Variants in GARRE1 observed in about 807,000 individuals in gnomAD.
GARRE1 encodes granule associated Rac and RHOG effector 1, also known as granule associated Rac and RHOG effector protein 1.
GARRE1 carries 49 observed loss-of-function variants against 103.2 expected under a neutral mutation model. The observed-to-expected ratio is 0.47, with a 90% CI of 0.38 to 0.60. The LOEUF (loss-of-function observed/expected upper bound fraction) is 0.60, where lower values mean the gene tolerates loss of function less well. Among genes scored for constraint, GARRE1 ranks in the 20% least tolerant of loss-of-function variants. The probability of loss-of-function intolerance (pLI) is 0.00; values close to 1 mark genes in which losing one functional copy is unlikely to be tolerated. For synonymous variants in GARRE1, 505 were observed against 532.8 expected, an observed-to-expected ratio of 0.95 and a Z score of 0.72; for missense variants, 1,199 against 1,370.5, an observed-to-expected ratio of 0.87 and a Z score of 1.98.
At chr19:34,310,696 G>A (rs548475326) in intron 2 of GARRE1, among the ~76,000 whole-genome samples, 2 of 152,292 alleles carry the variant, frequency 1.3e-5, no homozygotes, top group Non-Finnish European at 2.9e-5. Flanking sequence ...GGACTGGTAG[G>A]CCAGATAAAT....
chr19:34,295,929 C>A (rs140156102), intron 1 of GARRE1, among the ~76,000 whole-genome samples: 1 of 152,118 alleles, frequency 6.6e-6, no homozygotes, highest in Non-Finnish European at 1.5e-5. Context: ...TGTTCTTTCC[C>A]CACTGGATGT....
chr19:34,345,557 T>C (rs4806011), intron 10 of GARRE1, among the ~76,000 whole-genome samples: 92,183 of 152,186 alleles, frequency 0.61, 31,178 homozygotes, highest in East Asian at 0.96. Context: ...CAGTGGCTCA[T>C]GCCTGTAGTC....
In GARRE1 at chr19:34,285,465, A is replaced by G. The variant is rs796674515; in HGVS notation, c.-795-14214A>G. On this transcript the variant is annotated intron_variant, in intron 1 of 13. Transcript: ENST00000299505. ...TGGTGACACCCTGTCTCTACTAAGA[A>G]TACAAAAATTAATCAGGCGTGGTAT... Among the ~76,000 whole-genome samples, 33 of 152,154 alleles carry G rather than the reference A, an allele frequency of 2.2e-4. 1 individual carries two copies. The highest frequency in any genetic ancestry group is 6.5e-4 in the African/African-American group (27 of 41,530).
chr19:34,293,208 A>G (rs2073927643), intron 1 of GARRE1, among the ~76,000 whole-genome samples: 1 of 152,226 alleles, frequency 6.6e-6, no homozygotes, highest in South Asian at 2.1e-4. Context: ...CGTATTTATA[A>G]AAATTTGCAC....
chr19:34,319,020 A>G (rs1345159694), intron 2 of GARRE1, among the ~76,000 whole-genome samples: 2 of 151,998 alleles, frequency 1.3e-5, no homozygotes, highest in Non-Finnish European at 2.9e-5. Flanking sequence ...ATTTCAAAAA[A>G]AAAAGATAAA....
At chr19:34,265,052 C>G (rs947904919) in intron 1 of GARRE1, among the ~76,000 whole-genome samples, 1 of 151,430 alleles carries the variant, frequency 6.6e-6, no homozygotes, top group Admixed American at 6.6e-5. Flanking sequence ...TTGGCAGTGG[C>G]AAAGAATCAT....
chr19:34,257,416 C>T (rs2073681159), intron 1 of GARRE1, among the ~76,000 whole-genome samples: 1 of 152,084 alleles, frequency 6.6e-6, no homozygotes, highest in South Asian at 2.1e-4. Context: ...TGGCTTACTG[C>T]AACCTCCACC....
chr19:34,319,199 T>C (rs1200219287), intron 2 of GARRE1, among the ~76,000 whole-genome samples: 1 of 152,194 alleles, frequency 6.6e-6, no homozygotes, highest in Non-Finnish European at 1.5e-5. Context: ...TTAGTATACA[T>C]CTTATTATAA....
chr19:34,339,745 G>T, intron 8 of GARRE1, 122 bp from the exon 9 acceptor site: 1 of 1,133,122 alleles, frequency 8.8e-7, no homozygotes, highest in Non-Finnish European at 1.3e-6. Flanking sequence ...TGTTCTTACA[G>T]TTACTGAATT....
At chr19:34,309,794 T>C (rs1354480666) in intron 2 of GARRE1, among the ~76,000 whole-genome samples, 5 of 152,194 alleles carry the variant, frequency 3.3e-5, no homozygotes, top group Non-Finnish European at 5.9e-5. Context: ...TAACTCCATT[T>C]CATGGAGGGC....
At chr19:34,349,951 C>T (rs758849239) in intron 12 of GARRE1, among the ~76,000 whole-genome samples, 6 of 151,996 alleles carry the variant, frequency 3.9e-5, no homozygotes, top group Admixed American at 6.6e-5. Flanking sequence ...CCCAGCTACT[C>T]GGGAGGCTGA....
intron 2 of GARRE1, among the ~76,000 whole-genome samples, chr19:34,309,539 C>T (rs1448902975): frequency 6.6e-6 from 1 of 152,046 alleles, no homozygotes; most frequent in Non-Finnish European, 1.5e-5. Flanking sequence ...CTGTGTTGCC[C>T]AGGCTGTGAG....
At chr19:34,272,300 G>A (rs2073792611) in intron 1 of GARRE1, among the ~76,000 whole-genome samples, 1 of 152,272 alleles carries the variant, frequency 6.6e-6, no homozygotes, top group East Asian at 1.9e-4. Flanking sequence ...TGCAACATCT[G>A]CCTCCTGGGT....
In GARRE1 at chr19:34,341,525, G is replaced by A. The variant is rs776625233; in HGVS notation, c.1591G>A (p.Gly531Ser). The change falls in exon 10 of 14, where the codon GGC becomes AGC. Residue 531 changes from glycine (G) to serine (S), a missense_variant. Physicochemically the swap from Gly to Ser is moderately conservative, Grantham distance 56 (BLOSUM62 0). Coordinates refer to ENST00000299505, the MANE Select transcript of GARRE1 (RefSeq NM_014686.5). ...PSGNGNKSSG[G>S]LQKTFSKLTS... The stretch of plus-strand genomic sequence containing the variant: ...TGGAAATGGAAACAAATCTTCAGGT[G>A]GCCTGCAGAAGACATTCTCCAAACT... 2 of 1,614,040 alleles carry A rather than the reference G, an allele frequency of 1.2e-6. No individual in the cohort carries two copies. The highest frequency in any genetic ancestry group is 1.7e-6 in the Non-Finnish European group (2 of 1,180,018).
At chr19:34,321,149 C>T (rs1472096679) in intron 3 of GARRE1, among the ~76,000 whole-genome samples, 2 of 147,088 alleles carry the variant, frequency 1.4e-5, no homozygotes, top group African/African-American at 5.0e-5. Flanking sequence ...CTCTGCCTCC[C>T]AGGTTCACGC....
chr19:34,273,972 T>TATC (rs1159892855), intron 1 of GARRE1, among the ~76,000 whole-genome samples: 1 of 152,068 alleles, frequency 6.6e-6, no homozygotes, highest in Non-Finnish European at 1.5e-5. Flanking sequence ...TCTAGAGTAG[T>TATC]CACACAGCAT....
At chr19:34,279,947 T>C (rs1373356179) in intron 1 of GARRE1, among the ~76,000 whole-genome samples, 1 of 136,410 alleles carries the variant, frequency 7.3e-6, no homozygotes, top group African/African-American at 2.9e-5. Flanking sequence ...ATCCCGCCAC[T>C]GCACTCCAGC....
rs148195086 is a variant in GARRE1, at chr19:34,341,639, T to A, written c.1705T>A (p.Phe569Ile). Residue 569 changes from phenylalanine to isoleucine, a missense_variant, in exon 10 of 14, where the codon TTC becomes ATC. Transcript: ENST00000299505. ...SIQNTPSKNIFIAGCSEEKAK... is the reference protein window; with the variant it reads ...SIQNTPSKNIIIAGCSEEKAK... ...CCAAAATACCCCTTCCAAAAACATCTTCATAGCTGGATGTTCCGAAGAGAA... is the reference window on the plus strand; with the variant it reads ...CCAAAATACCCCTTCCAAAAACATCATCATAGCTGGATGTTCCGAAGAGAA... 1 of 1,614,184 alleles carries A rather than the reference T, an allele frequency of 6.2e-7. No individual in the cohort carries two copies. The highest frequency in any genetic ancestry group is 1.1e-5 in the South Asian group (1 of 91,088).
chr19:34,300,618 G>T lies in GARRE1; in HGVS notation c.145G>T (p.Ala49Ser), dbSNP rs754962398. ...ACTGAGTGCTCCCCTGGCATCCACG[G>T]CCACCACTGCCCCCCTGGGCAGTCT... ...RALSAPLAST[A>S]TTAPLGSLTA... Residue 49 changes from alanine (A) to serine (S), a missense_variant, in exon 2 of 14, where the codon GCC becomes TCC. Transcript: ENST00000299505. The T allele has an allele frequency of 6.2e-7, 1 of 1,613,334 alleles. No homozygotes were observed. The highest frequency in any genetic ancestry group is 8.5e-7 in the Non-Finnish European group (1 of 1,180,056).
Sources: gnomAD v4.1 joint callset for allele counts (sites outside exome capture counted in the v4.1 genomes callset) on GRCh38, gnomAD v4.1.1 for gene constraint, MANE v1.5 for transcripts, NCBI Gene and HGNC (gene_info 2026-07-23, HGNC 2026-07-21) for gene names.